The following PARN variants were observed in gnomAD, a reference collection of about 807,000 sequenced individuals.
PARN encodes poly(A)-specific ribonuclease.
A neutral mutation model predicts 102.8 loss-of-function variants in PARN; 71 were observed. The ratio of observed to expected loss-of-function variants is 0.69; its 90% CI spans 0.57 to 0.84. The LOEUF (loss-of-function observed/expected upper bound fraction) is 0.84. PARN is among the 40% of genes least tolerant of loss of function. The pLI is 0.00. For missense variants in PARN, 782 were observed against 760.9 expected (o/e 1.03, Z -0.33); for synonymous variants, 261 against 252.9 (o/e 1.03, Z -0.30).
intron 22 of PARN, among the ~76,000 whole-genome samples, chr16:14,470,463 T>C (rs1962661743): frequency 7.4e-6 from 1 of 134,952 alleles, no homozygotes; most frequent in Non-Finnish European, 1.7e-5. Flanking sequence ...ATTATTATTA[T>C]TATTATTATT....
At chr16:14,584,529 C>A in intron 15 of PARN, 107 bp from the exon 16 acceptor site, 1 of 893,972 alleles carries the variant, frequency 1.1e-6, no homozygotes, top group South Asian at 1.6e-5. Flanking sequence ...GTACTGTCTC[C>A]TTGTGTTCTT....
At chr16:14,493,872 T>A (rs1029098632) in intron 21 of PARN, among the ~76,000 whole-genome samples, 3 of 152,224 alleles carry the variant, frequency 2.0e-5, no homozygotes, top group Non-Finnish European at 4.4e-5. Flanking sequence ...TTCTTCTTCA[T>A]GGTTTCAGGC....
intron 21 of PARN, among the ~76,000 whole-genome samples, chr16:14,500,529 G>A (rs1299459882): frequency 6.6e-6 from 1 of 151,956 alleles, no homozygotes; most frequent in Non-Finnish European, 1.5e-5. Context: ...GAGCAGCCAG[G>A]GCTATAGGCA....
intron 22 of PARN, among the ~76,000 whole-genome samples, chr16:14,474,425 C>T (rs1649672688): frequency 6.6e-6 from 1 of 152,124 alleles, no homozygotes; most frequent in South Asian, 2.1e-4. Context: ...TAAGGATTTT[C>T]AAAACTCTAA....
intron 22 of PARN, among the ~76,000 whole-genome samples, chr16:14,475,457 A>G (rs1962989166): frequency 6.6e-6 from 1 of 152,194 alleles, no homozygotes; most frequent in Non-Finnish European, 1.5e-5. Context: ...CTCTCAAAGC[A>G]AACTATGTTC....
At chr16:14,468,104 A>G (rs113414583) in intron 22 of PARN, among the ~76,000 whole-genome samples, 5 of 152,326 alleles carry the variant, frequency 3.3e-5, no homozygotes, top group Admixed American at 2.6e-4. Context: ...AGGCACTTCT[A>G]GTCGAAGGGA....
At chr16:14,462,545 C>A (rs1161372074) in intron 22 of PARN, among the ~76,000 whole-genome samples, 3 of 152,028 alleles carry the variant, frequency 2.0e-5, no homozygotes. Flanking sequence ...AGGGAGTACC[C>A]AGCATAACAC....
chr16:14,605,013 C>CACTGCAGCCTCAA (rs1286758748), intron 10 of PARN, among the ~76,000 whole-genome samples: 1 of 152,164 alleles, frequency 6.6e-6, no homozygotes. Flanking sequence ...GATCACAGCT[C>CACTGCAGCCTCAA]ACTGCAGCCT....
At chr16:14,606,055 C>T (rs1180675168) in intron 10 of PARN, among the ~76,000 whole-genome samples, 1 of 151,932 alleles carries the variant, frequency 6.6e-6, no homozygotes, top group African/African-American at 2.4e-5. Context: ...AATGACTTAC[C>T]CTAGGTTACC....
intron 12 of PARN, among the ~76,000 whole-genome samples, chr16:14,599,494 A>G (rs533493350): frequency 1.3e-5 from 2 of 152,362 alleles, no homozygotes; most frequent in East Asian, 1.9e-4. Context: ...ATGTAGCACT[A>G]AACAAAGACA....
chr16:14,488,607 A>C (rs574784933), intron 21 of PARN, among the ~76,000 whole-genome samples: 1 of 152,356 alleles, frequency 6.6e-6, no homozygotes, highest in East Asian at 1.9e-4. Context: ...GTGTGAGGCC[A>C]GTGGACATAT....
intron 22 of PARN, among the ~76,000 whole-genome samples, chr16:14,458,122 C>T (rs951510247): frequency 6.6e-6 from 1 of 152,116 alleles, no homozygotes; most frequent in Non-Finnish European, 1.5e-5. Context: ...TTCAAACAAT[C>T]CCCTATTGTC....
At chr16:14,594,660 G>A (rs1049028000) in intron 12 of PARN, among the ~76,000 whole-genome samples, 2 of 152,174 alleles carry the variant, frequency 1.3e-5, no homozygotes, top group Non-Finnish European at 2.9e-5. Context: ...AGGTTGCAGT[G>A]AGCTGAGATC....
chr16:14,608,383 C>T (rs1971321976), intron 8 of PARN, 64 bp from the exon 9 acceptor site: 2 of 1,028,660 alleles, frequency 1.9e-6, no homozygotes. Flanking sequence ...ACTGATCAAG[C>T]ATTTGTTGAG....
intron 21 of PARN, among the ~76,000 whole-genome samples, chr16:14,540,675 A>G (rs1966804488): frequency 6.6e-6 from 1 of 152,194 alleles, no homozygotes; most frequent in Non-Finnish European, 1.5e-5. Flanking sequence ...CAGCTGTAAT[A>G]CCAAGATTTT....
At chr16:14,537,151 A>G (rs1383809536) in intron 21 of PARN, among the ~76,000 whole-genome samples, 3 of 152,206 alleles carry the variant, frequency 2.0e-5, no homozygotes, top group Non-Finnish European at 4.4e-5. Context: ...GCATTTCTCA[A>G]AAGAAGACAT....
intron 21 of PARN, among the ~76,000 whole-genome samples, chr16:14,523,493 T>A (rs1965844846): frequency 6.6e-6 from 1 of 152,004 alleles, no homozygotes; most frequent in African/African-American, 2.4e-5. Context: ...TGCAATACAA[T>A]CAGAAAATAC....
At chr16:14,437,710 G>A (rs1960763256) in intron 23 of PARN, among the ~76,000 whole-genome samples, 1 of 152,228 alleles carries the variant, frequency 6.6e-6, no homozygotes. Flanking sequence ...GAAACTGGCA[G>A]TCTCTCTTCT....
At chr16:14,629,990 G>T in intron 1 of PARN, 117 bp downstream of exon 1, 1 of 936,964 alleles carries the variant, frequency 1.1e-6, no homozygotes, top group South Asian at 1.5e-5. Flanking sequence ...GGAGGGAAAA[G>T]CCCTGAGGGG....
Sources: gnomAD v4.1 joint callset for allele counts (sites outside exome capture counted in the v4.1 genomes callset) on GRCh38, gnomAD v4.1.1 for gene constraint, MANE v1.5 for transcripts, NCBI Gene and HGNC (gene_info 2026-07-23, HGNC 2026-07-21) for gene names.